Variants in INSL6 observed in about 807,000 individuals in gnomAD.
The protein encoded by INSL6 is insulin like 6.
INSL6 carries 16 observed loss-of-function variants against 9.4 expected under a neutral mutation model. The observed-to-expected ratio is 1.70, with a 90% CI of 1.15 to 2.59. INSL6 has a LOEUF of 2.59. INSL6 is among the 30% of genes most tolerant of loss of function. The pLI is 0.00. For synonymous variants in INSL6, 154 were observed against 96.9 expected, an observed-to-expected ratio of 1.59 and a Z score of -3.46; for missense variants, 391 against 257.3, an observed-to-expected ratio of 1.52 and a Z score of -3.56.
chr9:5,125,248 T>C (rs993761095), intron 3 of INSL6, among the ~76,000 whole-genome samples: 16 of 150,990 alleles, frequency 1.1e-4, no homozygotes, highest in Non-Finnish European at 2.4e-4. Context: ...TTATAAAAGT[T>C]CACTTATATA....
At chr9:5,129,294 G>A (rs946613937) in intron 3 of INSL6, among the ~76,000 whole-genome samples, 4 of 151,958 alleles carry the variant, frequency 2.6e-5, no homozygotes, top group Non-Finnish European at 5.9e-5. Flanking sequence ...ATTCAGAAGC[G>A]ATTTTCTTTT....
At chr9:5,103,445 G>C in the INSL6 span, among the ~76,000 whole-genome samples, 1 of 151,834 alleles carries the variant, frequency 6.6e-6, no homozygotes, top group African/African-American at 2.4e-5. Flanking sequence ...CCTATAAAGA[G>C]ACTTAGACTC....
intron 1 of INSL6, among the ~76,000 whole-genome samples, chr9:5,184,681 T>A (rs780424024): frequency 6.6e-6 from 1 of 152,176 alleles, no homozygotes; most frequent in Non-Finnish European, 1.5e-5. Flanking sequence ...CTGAATAAAT[T>A]TACCTTTGAA....
At chr9:5,087,406 G>C in the INSL6 span, among the ~76,000 whole-genome samples, 8 of 152,180 alleles carry the variant, frequency 5.3e-5, no homozygotes, top group Non-Finnish European at 8.8e-5. Flanking sequence ...TCCTTCCAAT[G>C]ACATGTGGGG....
chr9:5,077,471 T>G, the INSL6 span: 5 of 1,227,512 alleles, frequency 4.1e-6, no homozygotes, highest in Non-Finnish European at 4.4e-6. Context: ...GTTCAGGAGT[T>G]TGTAAAATTT....
the INSL6 span, among the ~76,000 whole-genome samples, chr9:5,115,005 A>C: frequency 6.6e-6 from 1 of 152,196 alleles, no homozygotes; most frequent in African/African-American, 2.4e-5. Flanking sequence ...GGACATAGGC[A>C]TGGGCAAGGA....
the INSL6 span, among the ~76,000 whole-genome samples, chr9:4,993,819 A>G: frequency 2.8e-4 from 43 of 152,330 alleles, no homozygotes; most frequent in South Asian, 2.9e-3. Context: ...GGCTGGGGCC[A>G]CTGTTTGTGT....
At chr9:5,090,468 T>G in the INSL6 span, 1 of 1,564,056 alleles carries the variant, frequency 6.4e-7, no homozygotes, top group Non-Finnish European at 8.7e-7. Context: ...TAAAATTAAT[T>G]ATGGAATATT....
the INSL6 span, among the ~76,000 whole-genome samples, chr9:5,105,969 A>G: frequency 6.6e-6 from 1 of 152,244 alleles, no homozygotes; most frequent in Admixed American, 6.5e-5. Flanking sequence ...CCTAGAAGAA[A>G]GCCTAGGCAA....
intron 3 of INSL6, among the ~76,000 whole-genome samples, chr9:5,124,700 A>G (rs1178490995): frequency 6.6e-6 from 1 of 151,778 alleles, no homozygotes; most frequent in African/African-American, 2.4e-5. Context: ...GTACTCATAT[A>G]AAAAACAAAC....
chr9:5,007,965 A>G, the INSL6 span, among the ~76,000 whole-genome samples: 1 of 151,820 alleles, frequency 6.6e-6, no homozygotes, highest in Non-Finnish European at 1.5e-5. Flanking sequence ...CTGACCTCAA[A>G]TGATCCCCCC....
the INSL6 span, among the ~76,000 whole-genome samples, chr9:5,116,821 A>G: frequency 5.3e-5 from 8 of 152,232 alleles, no homozygotes; most frequent in African/African-American, 1.9e-4. Context: ...TCAAGAGCTC[A>G]TAATTAGGAA....
At chr9:5,066,330 A>T in the INSL6 span, among the ~76,000 whole-genome samples, 3 of 152,138 alleles carry the variant, frequency 2.0e-5, no homozygotes, top group African/African-American at 7.2e-5. Context: ...TCTGATATAT[A>T]ATCTTTATAG....
At chr9:5,140,285 CTCA>C (rs142943017) in intron 2 of INSL6, among the ~76,000 whole-genome samples, 83 of 152,176 alleles carry the variant, frequency 5.5e-4, no homozygotes, top group African/African-American at 1.8e-3. Flanking sequence ...TCAGGCAGAA[CTCA>C]TCATATTTTC....
At chr9:5,091,037 A>C in the INSL6 span, 1 of 730,850 alleles carries the variant, frequency 1.4e-6, no homozygotes. Flanking sequence ...TTTAAGTCTT[A>C]CATTTAACTT....
chr9:5,047,597 A>T, the INSL6 span, among the ~76,000 whole-genome samples: 4 of 152,088 alleles, frequency 2.6e-5, no homozygotes, highest in East Asian at 1.9e-4. Context: ...TGAAGATGTA[A>T]ATTTCTTAAG....
intron 1 of INSL6, among the ~76,000 whole-genome samples, chr9:5,168,340 A>G (rs1012288705): frequency 1.3e-5 from 2 of 152,238 alleles, no homozygotes; most frequent in Non-Finnish European, 2.9e-5. Context: ...AAAACATTAC[A>G]GGAGCTGTTA....
At chr9:5,041,237 C>A in the INSL6 span, 3 of 1,463,084 alleles carry the variant, frequency 2.1e-6, no homozygotes, top group South Asian at 2.3e-5. Context: ...GGGGACCAAG[C>A]GGCAGCACGC....
chr9:5,031,340 A>C, the INSL6 span, among the ~76,000 whole-genome samples: 42 of 152,370 alleles, frequency 2.8e-4, no homozygotes, highest in Admixed American at 2.6e-3. Context: ...TCTATTATTA[A>C]AGCCACATAA....
Sources: gnomAD v4.1 joint callset for allele counts (sites outside exome capture counted in the v4.1 genomes callset) on GRCh38, gnomAD v4.1.1 for gene constraint, MANE v1.5 for transcripts, NCBI Gene and HGNC (gene_info 2026-07-23, HGNC 2026-07-21) for gene names.